The following YES1 variants were observed in gnomAD, a reference collection of about 807,000 sequenced individuals.
YES1 encodes the protein tyrosine-protein kinase Yes.
Under a neutral mutation model 70.4 loss-of-function variants are expected in YES1, and 39 were observed. That is an observed-to-expected ratio of 0.55 (90% CI 0.43 to 0.72). The LOEUF (loss-of-function observed/expected upper bound fraction) is 0.72, where lower values mean the gene tolerates loss of function less well. Ranked by LOEUF, YES1 falls within the 30% of genes least tolerant of loss-of-function variation. YES1 has a pLI of 0.00. For missense variants in YES1, 495 were observed against 644.8 expected, an observed-to-expected ratio of 0.77 and a Z score of 2.52; for synonymous variants, 198 against 218.6, an observed-to-expected ratio of 0.91 and a Z score of 0.83.
chr18:764,075 A>C (rs572103851), intron 1 of YES1, among the ~76,000 whole-genome samples: 4,757 of 150,574 alleles, frequency 0.032, 138 homozygotes, highest in Non-Finnish European at 0.044. Flanking sequence ...AGCCGAGATC[A>C]CACCACTGCA....
chr18:783,659 C>T (rs913714055), intron 1 of YES1, among the ~76,000 whole-genome samples: 1 of 151,362 alleles, frequency 6.6e-6, no homozygotes, highest in Admixed American at 6.6e-5. Context: ...TCCTGTTGCC[C>T]AGGCTGGAGT....
intron 11 of YES1, among the ~76,000 whole-genome samples, chr18:728,874 G>A (rs1427909908): frequency 6.6e-6 from 1 of 152,060 alleles, no homozygotes; most frequent in African/African-American, 2.4e-5. Flanking sequence ...ACCTCCTTAT[G>A]GCTGTTTGGC....
chr18:750,154 C>T (rs2080327273), intron 3 of YES1, among the ~76,000 whole-genome samples: 1 of 151,984 alleles, frequency 6.6e-6, no homozygotes, highest in Non-Finnish European at 1.5e-5. Context: ...ATGAAAAATC[C>T]CTTAATAATT....
Position 734,818 on chromosome 18 carries a change from A to C in YES1, c.1292-1853T>G, listed in dbSNP as rs1440980055. Among the ~76,000 whole-genome samples, 3 of 152,162 alleles carry C rather than the reference A, an allele frequency of 2.0e-5. No homozygotes were observed. The East Asian group carries it at 5.8e-4, about 29-fold the overall frequency. On this transcript the variant is annotated intron_variant, in intron 10 of 11. Transcript: ENST00000314574. Reference sequence around the variant, plus strand: ...AAACTCCTTAAAGAACGAAAAGCAGAACTACCATTCAATCCAGCAAACCCA... The same window carrying C: ...AAACTCCTTAAAGAACGAAAAGCAGCACTACCATTCAATCCAGCAAACCCA...
At chr18:734,014 C>T (rs1308881642) in intron 10 of YES1, among the ~76,000 whole-genome samples, 2 of 152,200 alleles carry the variant, frequency 1.3e-5, no homozygotes, top group Non-Finnish European at 2.9e-5. Flanking sequence ...CACAGTGGCT[C>T]ACGCCTATAA....
chr18:761,051 G>A lies in YES1; in HGVS notation c.-8-4216C>T, dbSNP rs73943199. On this transcript the variant is annotated intron_variant, in intron 1 of 11. Coordinates refer to ENST00000314574, the MANE Select transcript of YES1 (RefSeq NM_005433.4). ...GCATCCAACCTTCCCAGTCTTCCAA[G>A]AAATGCACATTATAAGAAGATACCT... Among the ~76,000 whole-genome samples the A allele has an allele frequency of 2.7e-3, 405 of 152,192 alleles. 3 individuals carry two copies. The highest frequency in any genetic ancestry group is 9.2e-3 in the African/African-American group (384 of 41,532).
chr18:758,247 G>C (rs1243686963), intron 1 of YES1, among the ~76,000 whole-genome samples: 1 of 152,028 alleles, frequency 6.6e-6, no homozygotes, highest in African/African-American at 2.4e-5. Flanking sequence ...AATCTGATGT[G>C]TATTTTGTAC....
intron 1 of YES1, among the ~76,000 whole-genome samples, chr18:811,854 C>T (rs1222609520): frequency 2.0e-5 from 3 of 152,118 alleles, no homozygotes; most frequent in Non-Finnish European, 2.9e-5. Flanking sequence ...CCCCTGGAAC[C>T]TCAGGTCGGA....
chr18:768,589 T>C (rs990359268), intron 1 of YES1, among the ~76,000 whole-genome samples: 4 of 152,224 alleles, frequency 2.6e-5, no homozygotes, highest in African/African-American at 9.6e-5. Context: ...TATACCATCA[T>C]GTGCAGCGTA....
intron 8 of YES1, among the ~76,000 whole-genome samples, chr18:740,923 A>G (rs1231876951): frequency 6.6e-6 from 1 of 152,096 alleles, no homozygotes; most frequent in Non-Finnish European, 1.5e-5. Flanking sequence ...TTTGAAACGG[A>G]GTCTCACTCA....
At chr18:803,479 C>T (rs1263095005) in intron 1 of YES1, among the ~76,000 whole-genome samples, 2 of 152,128 alleles carry the variant, frequency 1.3e-5, no homozygotes, top group African/African-American at 4.8e-5. Context: ...TTTCCCAAAC[C>T]CTTTTCTACT....
intron 10 of YES1, among the ~76,000 whole-genome samples, chr18:733,780 CTCAAAA>C (rs1222584897): frequency 4.1e-5 from 2 of 48,384 alleles, no homozygotes; most frequent in Non-Finnish European, 6.6e-5. Context: ...GAGACTCCGT[CTCAAAA>C]AAAAAAAAAA....
At chr18:743,459 T>G (rs776336590) in intron 6 of YES1, 44 bp from the exon 7 acceptor site, 2 of 1,504,174 alleles carry the variant, frequency 1.3e-6, no homozygotes, top group Non-Finnish European at 1.8e-6. Context: ...ATTACAAAAA[T>G]TAAGGGGCAT....
chr18:777,453 TCAA>T (rs1905437147), intron 1 of YES1, among the ~76,000 whole-genome samples: 1 of 152,202 alleles, frequency 6.6e-6, no homozygotes, highest in Non-Finnish European at 1.5e-5. Flanking sequence ...TCCTAACTTA[TCAA>T]CTCCATAAGT....
chr18:810,570 A>G (rs1333002949), intron 1 of YES1, among the ~76,000 whole-genome samples: 1 of 152,240 alleles, frequency 6.6e-6, no homozygotes, highest in Non-Finnish European at 1.5e-5. Context: ...ATATTTTAAG[A>G]GCCCTTTTAT....
rs1335427562 is a variant in YES1, at chr18:784,480, A to C, written c.-9+27634T>G. Among the ~76,000 whole-genome samples, 8 of 152,354 alleles carry C rather than the reference A, an allele frequency of 5.3e-5. 1 individual carries two copies. The East Asian group carries it at 1.5e-3, about 29-fold the overall frequency. On this transcript the variant is annotated intron_variant, in intron 1 of 11. Transcript: ENST00000314574. ...GTCTATTAATTATTGCTGCTACAAC[A>C]AATTACCACAAATTTAGTGGCTTAA...
At chr18:729,019 T>TA (rs2080054542) in intron 11 of YES1, among the ~76,000 whole-genome samples, 1 of 152,218 alleles carries the variant, frequency 6.6e-6, no homozygotes, top group South Asian at 2.1e-4. Context: ...CATTACTTTT[T>TA]AAAAATGTTG....
intron 1 of YES1, among the ~76,000 whole-genome samples, chr18:757,329 C>T (rs970068751): frequency 2.0e-5 from 3 of 151,716 alleles, no homozygotes; most frequent in Non-Finnish European, 2.9e-5. Flanking sequence ...CGGTGAAACC[C>T]CGCCTCTACT....
At chr18:784,546 C>T (rs943558640) in intron 1 of YES1, among the ~76,000 whole-genome samples, 1 of 152,224 alleles carries the variant, frequency 6.6e-6, no homozygotes. Context: ...AGAAGTCTGA[C>T]GCCGGTGTCC....
Sources: allele counts gnomAD v4.1 joint callset (sites outside exome capture counted in the v4.1 genomes callset), GRCh38; gene constraint gnomAD v4.1.1; transcripts MANE v1.5; gene names NCBI Gene and HGNC (gene_info 2026-07-23, HGNC 2026-07-21).